Variants in ADAMTS19 observed in about 807,000 individuals in gnomAD.
ADAMTS19 encodes the protein ADAM metallopeptidase with thrombospondin type 1 motif 19.
A neutral mutation model predicts 153.3 loss-of-function variants in ADAMTS19; 93 were observed. The ratio of observed to expected loss-of-function variants is 0.61; its 90% CI spans 0.51 to 0.72. ADAMTS19 has a LOEUF of 0.72. Among genes scored for constraint, ADAMTS19 ranks in the 30% least tolerant of loss-of-function variants. The pLI, the probability that ADAMTS19 is intolerant of heterozygous loss-of-function variation, is 0.00. For missense variants in ADAMTS19, 1,482 were observed against 1,552.1 expected, an observed-to-expected ratio of 0.95 and a Z score of 0.76; for synonymous variants, 600 against 556.6, an observed-to-expected ratio of 1.08 and a Z score of -1.10.
In ADAMTS19 at chr5:129,701,607, C is replaced by T. The variant is rs781053984; in HGVS notation, c.3159+15C>T. The T allele has an allele frequency of 8.1e-6, 13 of 1,612,094 alleles. No homozygotes were observed. Among genetic ancestry groups the T allele is most frequent in the Admixed American group, 6.7e-5 (4 of 59,908 alleles). ...TGTGGTCTGAGGTGCATACATGCCC[C>T]CTTTCTTTCCCCATTCCTACTCTGA... On this transcript the variant is annotated intron_variant, in intron 20 of 22. Coordinates refer to ENST00000274487, the MANE Select transcript of ADAMTS19 (RefSeq NM_133638.6).
chr5:129,670,733 C>T (rs761108887), intron 16 of ADAMTS19, among the ~76,000 whole-genome samples: 12 of 152,126 alleles, frequency 7.9e-5, no homozygotes, highest in Non-Finnish European at 1.6e-4. Context: ...GGGTGATCAA[C>T]TAATTGTATA....
At chr5:129,549,153 G>T (rs1247261307) in intron 6 of ADAMTS19, among the ~76,000 whole-genome samples, 1 of 149,634 alleles carries the variant, frequency 6.7e-6, no homozygotes, top group East Asian at 2.0e-4. Context: ...TTGTGCACAT[G>T]TACCCTAAAA....
intron 7 of ADAMTS19, among the ~76,000 whole-genome samples, chr5:129,556,754 G>A (rs904881344): frequency 6.6e-6 from 1 of 152,104 alleles, no homozygotes; most frequent in African/African-American, 2.4e-5. Context: ...CATTATGGAT[G>A]GTTTGAAGAA....
chr5:129,641,863 T>C lies in ADAMTS19; in HGVS notation c.1775T>C (p.Val592Ala), dbSNP rs1384901385. The change falls in exon 11 of 23, where the codon GTT becomes GCT. Residue 592 changes from valine (V) to alanine (A), a missense_variant. Physicochemically the swap from Val to Ala is moderately conservative, Grantham distance 64. This residue lies in a region of ADAMTS19 where 866 missense variants were observed against 827.7 expected (regional missense o/e 1.05). Coordinates refer to ENST00000274487, the MANE Select transcript of ADAMTS19 (RefSeq NM_133638.6). ...LASFCQEMQH[V>A]ICTGLWCKVE... is the part of the protein sequence containing the mutation. The stretch of plus-strand genomic sequence containing the variant: ...TTATTGTGCCTTTGTTTTCAGCATG[T>C]TATTTGCACAGGATTATGGTGCAAG... 2 of 1,577,688 alleles carry C rather than the reference T, an allele frequency of 1.3e-6. No homozygotes were observed. Among genetic ancestry groups the C allele is most frequent in the Admixed American group, 1.7e-5 (1 of 57,442 alleles).
At chr5:129,608,116 G>GTGTGTGTGTGTGTATATA (rs377008786) in intron 8 of ADAMTS19, among the ~76,000 whole-genome samples, 1 of 47,954 alleles carries the variant, frequency 2.1e-5, no homozygotes, top group Non-Finnish European at 5.0e-5. Context: ...GTGTGTGTGT[G>GTGTGTGTGTGTGTATATA]TATATATATA....
intron 10 of ADAMTS19, among the ~76,000 whole-genome samples, chr5:129,632,058 G>T (rs1191967129): frequency 6.6e-6 from 1 of 151,968 alleles, no homozygotes; most frequent in Non-Finnish European, 1.5e-5. Context: ...TAAAGGGCCA[G>T]ATAGTAAATA....
At chr5:129,663,169 T>C (rs1185798763) in intron 15 of ADAMTS19, among the ~76,000 whole-genome samples, 3 of 152,126 alleles carry the variant, frequency 2.0e-5, no homozygotes, top group African/African-American at 7.2e-5. Flanking sequence ...GCTGGGATTA[T>C]AGGCGTTAGC....
chr5:129,505,167 C>T (rs1369337766), intron 2 of ADAMTS19, among the ~76,000 whole-genome samples: 1 of 152,062 alleles, frequency 6.6e-6, no homozygotes, highest in Non-Finnish European at 1.5e-5. Context: ...TACCTTAAGC[C>T]AGTTCAGTGA....
intron 10 of ADAMTS19, among the ~76,000 whole-genome samples, chr5:129,634,639 A>G (rs954513301): frequency 1.3e-5 from 2 of 152,038 alleles, no homozygotes; most frequent in Admixed American, 1.3e-4. Context: ...ACCTACAACT[A>G]TCTTATTTTT....
intron 8 of ADAMTS19, among the ~76,000 whole-genome samples, chr5:129,605,368 G>A (rs1229738234): frequency 6.6e-6 from 1 of 152,064 alleles, no homozygotes; most frequent in African/African-American, 2.4e-5. Context: ...TTGCCTCTTT[G>A]TTGAAACTCA....
intron 7 of ADAMTS19, among the ~76,000 whole-genome samples, chr5:129,591,361 C>T (rs145071743): frequency 0.086 from 12,981 of 151,144 alleles, 625 homozygotes; most frequent in Middle Eastern, 0.16. Context: ...GGCACAATCT[C>T]GGCTCACTGC....
chr5:129,631,166 T>C (rs1280657290), intron 10 of ADAMTS19, among the ~76,000 whole-genome samples: 8 of 148,194 alleles, frequency 5.4e-5, no homozygotes, highest in African/African-American at 2.0e-4. Flanking sequence ...TTAGGTTTTT[T>C]TTTTTTTTTT....
intron 21 of ADAMTS19, among the ~76,000 whole-genome samples, chr5:129,728,310 G>A (rs1757291977): frequency 6.6e-6 from 1 of 152,068 alleles, no homozygotes; most frequent in East Asian, 1.9e-4. Context: ...ACTAAATTGA[G>A]TAGCCCATGC....
intron 7 of ADAMTS19, among the ~76,000 whole-genome samples, chr5:129,573,563 G>C (rs546639747): frequency 3.9e-5 from 6 of 151,934 alleles, no homozygotes; most frequent in Admixed American, 6.6e-5. Context: ...TATATATTTC[G>C]GAATAGAAGT....
chr5:129,587,747 G>C (rs946265794), intron 7 of ADAMTS19, among the ~76,000 whole-genome samples: 9 of 152,130 alleles, frequency 5.9e-5, no homozygotes, highest in African/African-American at 2.2e-4. Flanking sequence ...TTGTGCTACT[G>C]TCAAAATCTC....
intron 8 of ADAMTS19, among the ~76,000 whole-genome samples, chr5:129,610,793 G>T (rs1751171888): frequency 6.6e-6 from 1 of 152,100 alleles, no homozygotes; most frequent in Non-Finnish European, 1.5e-5. Flanking sequence ...ATAATCCTTT[G>T]GGTATACACC....
At chr5:129,643,813 A>G (rs1416444498) in intron 11 of ADAMTS19, among the ~76,000 whole-genome samples, 2 of 152,128 alleles carry the variant, frequency 1.3e-5, no homozygotes, top group Non-Finnish European at 2.9e-5. Context: ...AAGTATAAGA[A>G]CCTGTGTATA....
At chr5:129,462,110 A>G (rs1268174918) in intron 2 of ADAMTS19, among the ~76,000 whole-genome samples, 1 of 152,042 alleles carries the variant, frequency 6.6e-6, no homozygotes, top group Non-Finnish European at 1.5e-5. Context: ...TCTTTTAGGA[A>G]CTCGAAAGAC....
At chr5:129,656,101 T>C (rs991560130) in intron 14 of ADAMTS19, among the ~76,000 whole-genome samples, 2 of 152,186 alleles carry the variant, frequency 1.3e-5, no homozygotes, top group Admixed American at 1.3e-4. Context: ...ATTGCTATGC[T>C]TTTTACTTAA....
Sources: allele counts gnomAD v4.1 joint callset (sites outside exome capture counted in the v4.1 genomes callset), GRCh38; gene constraint gnomAD v4.1.1; regional missense constraint gnomAD v4.1.1; transcripts MANE v1.5; gene names NCBI Gene and HGNC (gene_info 2026-07-23, HGNC 2026-07-21).